The following SPATA24 variants were observed in gnomAD, a reference collection of about 807,000 sequenced individuals.
SPATA24 encodes the protein spermatogenesis-associated protein 24.
In SPATA24, 21 loss-of-function variants were observed where a neutral mutation model predicts 28.9. The ratio of observed to expected loss-of-function variants is 0.73; its 90% CI spans 0.52 to 1.05. SPATA24 has a LOEUF of 1.05. Ranked by LOEUF, SPATA24 falls within the 50% of genes least tolerant of loss-of-function variation. The probability of loss-of-function intolerance (pLI) is 0.00; values close to 1 mark genes in which losing one functional copy is unlikely to be tolerated. For synonymous variants in SPATA24, 76 were observed against 89.9 expected, an observed-to-expected ratio of 0.85 and a Z score of 0.88; for missense variants, 215 against 242.9, an observed-to-expected ratio of 0.88 and a Z score of 0.76.
chr5:139,393,540 C>G, downstream of SPATA24: 4 of 1,551,260 alleles, frequency 2.6e-6, no homozygotes, highest in Non-Finnish European at 3.5e-6. Context: ...GAGATGGGCC[C>G]CAAGTTCCAA....
downstream of SPATA24, chr5:139,394,595 C>T (rs1221624251): frequency 1.8e-5 from 28 of 1,531,180 alleles, no homozygotes; most frequent in Non-Finnish European, 2.4e-5. Context: ...CGGGAGCCAC[C>T]ATCGGGGACC....
downstream of SPATA24, chr5:139,394,410 G>T (rs557429609): frequency 2.2e-6 from 3 of 1,388,880 alleles, no homozygotes; most frequent in Admixed American, 7.3e-5. Flanking sequence ...GGCGCGGCGC[G>T]CCGGCCGCCC....
chr5:139,394,629 G>A (rs371879312), downstream of SPATA24: 1 of 1,534,144 alleles, frequency 6.5e-7, no homozygotes, highest in East Asian at 2.5e-5. Context: ...GGACCGCGGC[G>A]GGAGACGCTG....
At chr5:139,393,913 G>T (rs1758643977), downstream of SPATA24, 4 of 1,550,922 alleles carry the variant, frequency 2.6e-6, no homozygotes, top group Non-Finnish European at 3.5e-6. Flanking sequence ...CGGGCTCCTT[G>T]GCCTCACAGC....
chr5:139,394,634 ACG>A, downstream of SPATA24: 9 of 1,534,206 alleles, frequency 5.9e-6, no homozygotes, highest in Non-Finnish European at 7.0e-6. Context: ...GCGGCGGGAG[ACG>A]CTGGCCCCGG....
At chr5:139,396,623 G>A (rs779478381), downstream of SPATA24, 6 of 1,463,408 alleles carry the variant, frequency 4.1e-6, no homozygotes, top group South Asian at 1.4e-5. Flanking sequence ...GGAAGCGGTG[G>A]TGCCTACCAG....
intron 1 of SPATA24, 47 bp downstream of exon 1, chr5:139,403,897 G>T (rs1328842099): frequency 6.8e-7 from 1 of 1,478,556 alleles, no homozygotes; most frequent in South Asian, 1.2e-5. Flanking sequence ...GCCCCCACCA[G>T]TGAGGCATCC....
At chr5:139,394,316 C>T (rs1758656066), downstream of SPATA24, 1 of 1,486,018 alleles carries the variant, frequency 6.7e-7, no homozygotes, top group East Asian at 2.5e-5. Context: ...AGTTTTCTGG[C>T]CAACGCCGTC....
At chr5:139,393,281 C>G (rs1433271969), downstream of SPATA24, 1 of 1,550,112 alleles carries the variant, frequency 6.5e-7, no homozygotes, top group South Asian at 1.2e-5. Flanking sequence ...GGGCACTTAT[C>G]CGCGTCCAGG....
chr5:139,393,156 T>G (rs774780860), downstream of SPATA24: 30 of 1,546,634 alleles, frequency 1.9e-5, no homozygotes, highest in Non-Finnish European at 2.6e-5. Flanking sequence ...AGCCTTGTGC[T>G]CCTGCCGGGA....
intron 4 of SPATA24, 129 bp downstream of exon 4, chr5:139,401,626 C>T (rs929737387): frequency 1.9e-6 from 2 of 1,057,036 alleles, no homozygotes; most frequent in Admixed American, 2.0e-5. Flanking sequence ...TGTGGCCCAC[C>T]CGGGCCTGCC....
At chr5:139,394,378 C>G, downstream of SPATA24, 1 of 1,407,916 alleles carries the variant, frequency 7.1e-7, no homozygotes, top group Non-Finnish European at 9.2e-7. Flanking sequence ...GTCCAGGGAA[C>G]CGGTGCGCAG....
chr5:139,393,673 C>A (rs1270515040), downstream of SPATA24: 1 of 1,550,856 alleles, frequency 6.4e-7, no homozygotes, highest in African/African-American at 1.4e-5. Context: ...GAGGGACGGG[C>A]TCCTTTCCCC....
At chr5:139,396,753 G>A (rs1758716630), downstream of SPATA24, 2 of 1,551,442 alleles carry the variant, frequency 1.3e-6, no homozygotes, top group Non-Finnish European at 1.7e-6. Flanking sequence ...AGCAGAGAAG[G>A]CAGAGGCTGG....
intron 1 of SPATA24, among the ~76,000 whole-genome samples, chr5:139,402,903 A>G (rs1226431971): frequency 2.0e-5 from 3 of 152,248 alleles, no homozygotes; most frequent in Non-Finnish European, 2.9e-5. Context: ...TGGAGGAGGC[A>G]GTCCACAGTT....
At chr5:139,394,748 C>A (rs965361645), downstream of SPATA24, 6 of 1,533,960 alleles carry the variant, frequency 3.9e-6, no homozygotes, top group African/African-American at 8.4e-5. Context: ...AAGATGACTT[C>A]CATCTCCCCC....
chr5:139,393,150 T>C, downstream of SPATA24: 2 of 1,545,708 alleles, frequency 1.3e-6, no homozygotes, highest in Non-Finnish European at 1.7e-6. Flanking sequence ...GCCCAGAGCC[T>C]TGTGCTCCTG....
intron 4 of SPATA24, among the ~76,000 whole-genome samples, chr5:139,397,658 A>T (rs567050657): frequency 6.6e-6 from 1 of 151,544 alleles, no homozygotes; most frequent in East Asian, 1.9e-4. Flanking sequence ...GAGTTCAAGC[A>T]ATTCTCCTGC....
Position 139,399,045 on chromosome 5 carries a change from T to C in SPATA24, c.386-1902A>G, listed in dbSNP as rs377751939. On this transcript the variant is annotated intron_variant, in intron 4 of 5. Coordinates refer to ENST00000450845, the MANE Select transcript of SPATA24 (RefSeq NM_194296.2). ...CTTCAAAAAAAAAAAAGGCCAGGCG[T>C]GGTGGCTCACGCCTGTAATCCCAGC... 4.1e-4 allele frequency among the ~76,000 whole-genome samples: 19 copies of C among 46,430 alleles called. 6 individuals carry two copies. The highest frequency in any genetic ancestry group is 1.0e-3 in the African/African-American group (4 of 3,932). The allele number at this position is 46,430 out of a possible 152,430, so 30.5% of individuals were successfully genotyped here. A position where few individuals can be genotyped will look rare whatever the true frequency, so the allele number is the denominator to read the frequency against.
Sources: gnomAD v4.1 joint callset for allele counts (sites outside exome capture counted in the v4.1 genomes callset) on GRCh38, gnomAD v4.1.1 for gene constraint, MANE v1.5 for transcripts, NCBI Gene and HGNC (gene_info 2026-07-23, HGNC 2026-07-21) for gene names.